The following DPPA2 variants were observed in gnomAD, a reference collection of about 807,000 sequenced individuals.
DPPA2 encodes the protein developmental pluripotency-associated protein 2.
In DPPA2, 26 loss-of-function variants were observed where a neutral mutation model predicts 36.2. The observed-to-expected ratio is 0.72, with a 90% CI of 0.53 to 1.00. The LOEUF (loss-of-function observed/expected upper bound fraction) is 1.00. Ranked by LOEUF, DPPA2 falls within the 50% of genes least tolerant of loss-of-function variation. The probability of loss-of-function intolerance (pLI) is 0.00; values close to 1 mark genes in which losing one functional copy is unlikely to be tolerated. For missense variants in DPPA2, 361 were observed against 365.1 expected (o/e 0.99, Z 0.09); for synonymous variants, 113 against 123.2 (o/e 0.92, Z 0.55).
chr3:109,305,747 C>G (rs1395184350), intron 6 of DPPA2, among the ~76,000 whole-genome samples: 1 of 146,222 alleles, frequency 6.8e-6, no homozygotes. Context: ...GCACTCCAGC[C>G]TGGACAACAA....
At chr3:109,306,242 G>C (rs1481840990) in intron 6 of DPPA2, among the ~76,000 whole-genome samples, 1 of 152,110 alleles carries the variant, frequency 6.6e-6, no homozygotes, top group African/African-American at 2.4e-5. Context: ...AAAATGATAA[G>C]TCACTGTGGG....
In DPPA2 at chr3:109,300,405, T is replaced by C; in HGVS notation, c.885A>G (p.Thr295=). Residue 295 remains threonine, a synonymous_variant, in exon 8 of 9, where the codon ACA becomes ACG. Transcript: ENST00000478945. ...AAACAGGTTGCTGCTACTTCTCTAC[T>C]GTCATTAATCTTTTCATCATCTTCT... ...RNKKMMKRLM[T]VEK The C allele has an allele frequency of 6.2e-7, 1 of 1,613,810 alleles. No homozygotes were observed. The highest frequency in any genetic ancestry group is 8.5e-7 in the Non-Finnish European group (1 of 1,179,698).
At chr3:109,315,052 G>A (rs77716083) in intron 1 of DPPA2, among the ~76,000 whole-genome samples, 5,568 of 152,106 alleles carry the variant, frequency 0.037, 340 homozygotes, top group African/African-American at 0.13. Flanking sequence ...GCGAGACTCT[G>A]TCTCAACAAG....
At chr3:109,308,412 G>A in intron 5 of DPPA2, 119 bp from the exon 6 acceptor site, 1 of 1,328,112 alleles carries the variant, frequency 7.5e-7, no homozygotes, top group South Asian at 1.6e-5. Flanking sequence ...GCCCAGGCTG[G>A]AGTGCAATGG....
intron 5 of DPPA2, 33 bp downstream of exon 5, chr3:109,308,993 C>T: frequency 3.1e-6 from 5 of 1,613,700 alleles, no homozygotes; most frequent in Non-Finnish European, 4.2e-6. Flanking sequence ...GATCAGAACC[C>T]ACCTTCACAC....
chr3:109,304,485 A>C lies in DPPA2; in HGVS notation c.844T>G (p.Cys282Gly). Reference sequence around the variant, plus strand: ...ATACATAAGGGTTACCTCTTAGCACAGTCGGGGCATAACATATTATCTTCT... The same window carrying C: ...ATACATAAGGGTTACCTCTTAGCACCGTCGGGGCATAACATATTATCTTCT... ...GIEDNMLCPDCAKRNKKMMKR... is the reference protein window; with the variant it reads ...GIEDNMLCPDGAKRNKKMMKR... The change falls in exon 7 of 9, where the codon TGT becomes GGT. Residue 282 changes from cysteine to glycine, a missense_variant. By Grantham distance (159) the Cys-to-Gly change is radical (BLOSUM62 -3). Transcript: ENST00000478945. 6.2e-7 allele frequency: 1 copy of C among 1,611,998 alleles called. No homozygotes were observed. The highest frequency in any genetic ancestry group is 8.5e-7 in the Non-Finnish European group (1 of 1,179,088).
At chr3:109,300,474 C>T (rs1459109864) in intron 7 of DPPA2, 39 bp from the exon 8 acceptor site, 6 of 1,593,468 alleles carry the variant, frequency 3.8e-6, no homozygotes, top group African/African-American at 1.3e-5. Context: ...AATATTGCTA[C>T]AGCAAGGTAA....
At chr3:109,301,588 G>A (rs1014562557) in intron 7 of DPPA2, among the ~76,000 whole-genome samples, 1 of 151,982 alleles carries the variant, frequency 6.6e-6, no homozygotes, top group African/African-American at 2.4e-5. Context: ...GGAGGCAGAG[G>A]TTGCAGTGAG....
chr3:109,307,628 A>G (rs1213290659), intron 6 of DPPA2, among the ~76,000 whole-genome samples: 6 of 151,398 alleles, frequency 4.0e-5, no homozygotes, highest in African/African-American at 1.2e-4. Context: ...AAAAAAAAGA[A>G]CAGGATACTA....
chr3:109,311,957 T>G (rs1450643127), intron 3 of DPPA2, among the ~76,000 whole-genome samples: 1 of 152,100 alleles, frequency 6.6e-6, no homozygotes, highest in Non-Finnish European at 1.5e-5. Flanking sequence ...AGATTGAGCT[T>G]TATGTGTTGG....
Position 109,307,929 on chromosome 3 carries a change from A to C in DPPA2, c.658+103T>G, listed in dbSNP as rs146609221. 6.8e-4 allele frequency: 953 copies of C among 1,400,558 alleles called. 5 individuals carry two copies. The African/African-American group carries it at 0.012, about 18-fold the overall frequency. The allele number at this position is 1,400,558 out of a possible 1,614,324, so 86.8% of individuals were successfully genotyped here. ...TGTGAATCCAATTTCTAATCTTCAGATATTTTAGCAAATGCCTTCCCTTTG... is the reference window on the plus strand; with the variant it reads ...TGTGAATCCAATTTCTAATCTTCAGCTATTTTAGCAAATGCCTTCCCTTTG... On this transcript the variant is annotated intron_variant, in intron 6 of 8. Coordinates refer to ENST00000478945, the MANE Select transcript of DPPA2 (RefSeq NM_138815.4).
At chr3:109,312,475 C>T (rs890210494) in intron 3 of DPPA2, 70 bp downstream of exon 3, 1 of 1,533,532 alleles carries the variant, frequency 6.5e-7, no homozygotes, top group Non-Finnish European at 8.8e-7. Context: ...ATAGGAAAGA[C>T]AAATCTTACT....
chr3:109,296,311 A>C (rs1278830265), intron 8 of DPPA2, among the ~76,000 whole-genome samples: 6 of 152,252 alleles, frequency 3.9e-5, no homozygotes, highest in Non-Finnish European at 8.8e-5. Context: ...AAAGGAACAA[A>C]GGTAAGAATT....
At chr3:109,313,224 T>C (rs1021879900) in intron 2 of DPPA2, among the ~76,000 whole-genome samples, 1 of 152,336 alleles carries the variant, frequency 6.6e-6, no homozygotes, top group East Asian at 1.9e-4. Flanking sequence ...ATGACAAAAC[T>C]CAAATTAGCT....
intron 7 of DPPA2, among the ~76,000 whole-genome samples, chr3:109,303,897 G>A (rs1451192949): frequency 1.3e-5 from 2 of 151,842 alleles, no homozygotes; most frequent in Admixed American, 6.6e-5. Context: ...AGTACTTTGG[G>A]AGGCCGAGTT....
At chr3:109,307,394 G>A (rs1707591630) in intron 6 of DPPA2, among the ~76,000 whole-genome samples, 1 of 151,914 alleles carries the variant, frequency 6.6e-6, no homozygotes, top group Admixed American at 6.6e-5. Flanking sequence ...CTGAGGTCAG[G>A]GGTTCGAGAC....
chr3:109,301,036 T>G (rs907657450), intron 7 of DPPA2, among the ~76,000 whole-genome samples: 1 of 149,434 alleles, frequency 6.7e-6, no homozygotes, highest in African/African-American at 2.5e-5. Context: ...CAGGCTGGAG[T>G]GCAGTGGCAC....
At chr3:109,300,100 GCTAA>G (rs930623479) in intron 8 of DPPA2, among the ~76,000 whole-genome samples, 3 of 152,184 alleles carry the variant, frequency 2.0e-5, no homozygotes, top group South Asian at 2.1e-4. Context: ...ATTCTGTGCA[GCTAA>G]CTATTTAGTA....
At chr3:109,299,643 A>T (rs1707422545) in intron 8 of DPPA2, among the ~76,000 whole-genome samples, 1 of 151,146 alleles carries the variant, frequency 6.6e-6, no homozygotes, top group Admixed American at 6.6e-5. Context: ...CTGAGATCTC[A>T]TCATTGTACT....
Sources: allele counts gnomAD v4.1 joint callset (sites outside exome capture counted in the v4.1 genomes callset), GRCh38; gene constraint gnomAD v4.1.1; transcripts MANE v1.5; gene names NCBI Gene and HGNC (gene_info 2026-07-23, HGNC 2026-07-21).